NALF1: variants seen among roughly 807,000 people sequenced by gnomAD.
NALF1 encodes NALCN channel auxiliary factor 1.
NALF1 carries 3 observed loss-of-function variants against 48.4 expected under a neutral mutation model. The ratio of observed to expected loss-of-function variants is 0.06; its 90% CI spans 0.03 to 0.16. NALF1 has a LOEUF of 0.16. NALF1 is among the 10% of genes least tolerant of loss of function. The pLI is 1.00. For synonymous variants in NALF1, 262 were observed against 245.7 expected, an observed-to-expected ratio of 1.07 and a Z score of -0.62; for missense variants, 526 against 571.5, an observed-to-expected ratio of 0.92 and a Z score of 0.81.
At chr13:107,809,163 T>C (rs142472014) in intron 1 of NALF1, among the ~76,000 whole-genome samples, 40 of 151,902 alleles carry the variant, frequency 2.6e-4, no homozygotes, top group African/African-American at 7.7e-4. Context: ...ACATTTCTCT[T>C]CATTATCTAG....
chr13:107,632,970 A>C (rs1447725558), intron 1 of NALF1, among the ~76,000 whole-genome samples: 1 of 152,024 alleles, frequency 6.6e-6, no homozygotes, highest in Non-Finnish European at 1.5e-5. Flanking sequence ...TCCCTTAAAA[A>C]TTAGCATGTG....
rs537084692 is a variant in NALF1, at chr13:107,315,812, T to TAATAAAAATGGGCATATCTCTTTCC, written c.916-105082_916-105058dup. On this transcript the variant is annotated intron_variant, in intron 1 of 2. Coordinates refer to ENST00000375915, the MANE Select transcript of NALF1 (RefSeq NM_001080396.3). ...TGTGTTTGGCTTCTTTCTTCCAAGG[T>TAATAAAAATGGGCATATCTCTTTCC]AATAAAAATGGGCATATCTCTTTCC... 8.6e-4 allele frequency among the ~76,000 whole-genome samples: 130 copies of TAATAAAAATGGGCATATCTCTTTCC among 151,172 alleles called. 1 individual carries two copies. In the East Asian group the frequency reaches 0.019, roughly 22 times the overall value.
intron 1 of NALF1, among the ~76,000 whole-genome samples, chr13:107,496,855 A>G (rs1316769462): frequency 6.6e-6 from 1 of 152,150 alleles, no homozygotes; most frequent in African/African-American, 2.4e-5. Flanking sequence ...ATCTTGTGAG[A>G]CTTATTCACT....
At chr13:107,352,429 T>C (rs781241809) in intron 1 of NALF1, among the ~76,000 whole-genome samples, 4 of 152,196 alleles carry the variant, frequency 2.6e-5, no homozygotes, top group African/African-American at 9.7e-5. Flanking sequence ...CAAATTATCA[T>C]AGGCTCAGTG....
At chr13:107,817,537 T>C (rs1387618201) in intron 1 of NALF1, among the ~76,000 whole-genome samples, 1 of 152,190 alleles carries the variant, frequency 6.6e-6, no homozygotes, top group African/African-American at 2.4e-5. Context: ...ATCTTCTGTT[T>C]TCTCTCCCAA....
At chr13:107,516,158 G>A (rs768312919) in intron 1 of NALF1, among the ~76,000 whole-genome samples, 7 of 152,132 alleles carry the variant, frequency 4.6e-5, no homozygotes, top group Non-Finnish European at 7.3e-5. Flanking sequence ...AGGAGAAAAT[G>A]GCTGACATCT....
chr13:107,582,122 AAAT>A (rs75079994), intron 1 of NALF1, among the ~76,000 whole-genome samples: 22,270 of 152,174 alleles, frequency 0.15, 2,105 homozygotes, highest in Admixed American at 0.2. Flanking sequence ...AAAATTTCAA[AAAT>A]AATGAGAAAG....
intron 2 of NALF1, among the ~76,000 whole-genome samples, chr13:107,196,839 C>A (rs531444672): frequency 2.0e-5 from 3 of 152,084 alleles, no homozygotes; most frequent in African/African-American, 7.2e-5. Flanking sequence ...CTGCTCTTGC[C>A]ACAGGGGTTG....
At chr13:107,547,672 A>T (rs1877170584) in intron 1 of NALF1, among the ~76,000 whole-genome samples, 1 of 152,170 alleles carries the variant, frequency 6.6e-6, no homozygotes, top group Admixed American at 6.5e-5. Flanking sequence ...CCTGGCTCAC[A>T]CACACTGTCC....
chr13:107,800,609 TAATA>T (rs1416970875), intron 1 of NALF1, among the ~76,000 whole-genome samples: 1 of 137,548 alleles, frequency 7.3e-6, no homozygotes, highest in Non-Finnish European at 1.6e-5. Context: ...TTATGTAATA[TAATA>T]TATATATTAT....
At chr13:107,475,945 AAT>A (rs1885171339) in intron 1 of NALF1, among the ~76,000 whole-genome samples, 3 of 152,252 alleles carry the variant, frequency 2.0e-5, no homozygotes, top group South Asian at 4.1e-4. Context: ...AGTAAGAAAG[AAT>A]GTGAGAAAAA....
intron 1 of NALF1, among the ~76,000 whole-genome samples, chr13:107,347,672 G>A (rs1055012645): frequency 2.0e-5 from 3 of 152,000 alleles, no homozygotes; most frequent in Admixed American, 6.6e-5. Context: ...AATGCATTAC[G>A]CAAAAGAAAA....
At chr13:107,440,392 T>C (rs944623504) in intron 1 of NALF1, among the ~76,000 whole-genome samples, 5 of 152,126 alleles carry the variant, frequency 3.3e-5, no homozygotes, top group South Asian at 2.1e-4. Context: ...TTCGCATAGG[T>C]GGCGCGACGA....
Position 107,700,746 on chromosome 13 carries a change from T to C in NALF1, c.915+164936A>G, listed in dbSNP as rs371598023. Among the ~76,000 whole-genome samples the C allele has an allele frequency of 7.0e-4, 107 of 152,154 alleles. 3 individuals are homozygous for C. The South Asian group carries it at 0.021, about 30-fold the overall frequency. On this transcript the variant is annotated intron_variant, in intron 1 of 2. Transcript: ENST00000375915. ...AACCCCATATCTGATAAGGGGTTAA[T>C]ATCCAAAATTTATAAAGAACTCTTA...
At chr13:107,706,879 G>A (rs1252133462) in intron 1 of NALF1, among the ~76,000 whole-genome samples, 2 of 151,622 alleles carry the variant, frequency 1.3e-5, no homozygotes, top group African/African-American at 4.8e-5. Flanking sequence ...AACATATGGG[G>A]AGAGGGTTAT....
chr13:107,381,943 G>A (rs1469678196), intron 1 of NALF1, among the ~76,000 whole-genome samples: 1 of 152,148 alleles, frequency 6.6e-6, no homozygotes, highest in Non-Finnish European at 1.5e-5. Context: ...TCTCTGGGGA[G>A]AGAGTATGAC....
At chr13:107,390,598 A>G (rs1192317286) in intron 1 of NALF1, among the ~76,000 whole-genome samples, 1 of 152,072 alleles carries the variant, frequency 6.6e-6, no homozygotes, top group African/African-American at 2.4e-5. Flanking sequence ...AAAAACAAAC[A>G]AACAAAAAAA....
chr13:107,640,958 G>A (rs1450312373), intron 1 of NALF1, among the ~76,000 whole-genome samples: 1 of 152,144 alleles, frequency 6.6e-6, no homozygotes, highest in African/African-American at 2.4e-5. Context: ...AAGGAAATCA[G>A]TATGTCAGAG....
intron 1 of NALF1, among the ~76,000 whole-genome samples, chr13:107,776,277 G>C (rs756589819): frequency 1.3e-5 from 2 of 152,124 alleles, no homozygotes; most frequent in African/African-American, 4.8e-5. Context: ...CATCAGCTGG[G>C]TAAGTTTTCT....
Sources: allele counts gnomAD v4.1 joint callset (sites outside exome capture counted in the v4.1 genomes callset), GRCh38; gene constraint gnomAD v4.1.1; transcripts MANE v1.5; gene names NCBI Gene and HGNC (gene_info 2026-07-23, HGNC 2026-07-21).